TBCK: variants seen among roughly 807,000 people sequenced by gnomAD.
TBCK encodes TBC1 domain containing kinase.
In TBCK, 99 loss-of-function variants were observed where a neutral mutation model predicts 113.4. That is an observed-to-expected ratio of 0.87 (90% CI 0.74 to 1.03). The LOEUF (loss-of-function observed/expected upper bound fraction) is 1.03, where lower values mean the gene tolerates loss of function less well. Among genes scored for constraint, TBCK ranks in the 50% least tolerant of loss-of-function variants. The pLI is 0.00. For synonymous variants in TBCK, 369 were observed against 370.8 expected, an observed-to-expected ratio of 1.00 and a Z score of 0.05; for missense variants, 1,045 against 1,061.3, an observed-to-expected ratio of 0.98 and a Z score of 0.21.
intron 23 of TBCK, among the ~76,000 whole-genome samples, chr4:106,160,594 G>GA (rs142707427): frequency 6.6e-6 from 1 of 151,256 alleles, no homozygotes; most frequent in African/African-American, 2.4e-5. Flanking sequence ...AAGAAAAAAA[G>GA]AAAAAAAATC....
intron 25 of TBCK, among the ~76,000 whole-genome samples, chr4:106,056,164 T>A (rs1009605340): frequency 2.0e-5 from 3 of 151,520 alleles, no homozygotes; most frequent in Non-Finnish European, 4.4e-5. Context: ...ATTAATCACA[T>A]TCTTTTCAAA....
At chr4:106,194,230 A>G (rs993484571) in intron 21 of TBCK, among the ~76,000 whole-genome samples, 4 of 152,110 alleles carry the variant, frequency 2.6e-5, no homozygotes, top group African/African-American at 9.6e-5. Context: ...CACTGCATAA[A>G]TATCTACTTC....
At chr4:106,272,225 A>G (rs1763565880) in intron 3 of TBCK, among the ~76,000 whole-genome samples, 1 of 152,144 alleles carries the variant, frequency 6.6e-6, no homozygotes, top group Admixed American at 6.5e-5. Flanking sequence ...ATGAAGTAAT[A>G]ATAACCGCCA....
chr4:106,141,805 G>A (rs1482242229), intron 23 of TBCK, among the ~76,000 whole-genome samples: 1 of 140,534 alleles, frequency 7.1e-6, no homozygotes, highest in Non-Finnish European at 1.6e-5. Context: ...TCTTCATTTA[G>A]CTATAAGTTT....
intron 23 of TBCK, among the ~76,000 whole-genome samples, chr4:106,161,307 T>C (rs888630589): frequency 6.6e-6 from 1 of 152,156 alleles, no homozygotes; most frequent in African/African-American, 2.4e-5. Flanking sequence ...CAGAAACCTA[T>C]ATAAACTATA....
At chr4:106,288,837 A>G (rs1579521514) in intron 3 of TBCK, among the ~76,000 whole-genome samples, 1 of 152,236 alleles carries the variant, frequency 6.6e-6, no homozygotes, top group African/African-American at 2.4e-5. Context: ...AATTCCACAC[A>G]TAAGTATTTA....
At chr4:106,159,728 C>T (rs781679083) in intron 23 of TBCK, among the ~76,000 whole-genome samples, 1 of 152,014 alleles carries the variant, frequency 6.6e-6, no homozygotes, top group Non-Finnish European at 1.5e-5. Flanking sequence ...AGATTCAACA[C>T]ATTCTTATCA....
At position 106,307,222 on chromosome 4, in the gene TBCK, G is replaced by A. The variant is rs75550670; in HGVS notation, c.193+1546C>T. Among the ~76,000 whole-genome samples the A allele has an allele frequency of 9.1e-4, 139 of 152,014 alleles. 1 individual carries two copies. The highest frequency in any genetic ancestry group is 1.4e-3 in the Non-Finnish European group (97 of 67,992). On this transcript the variant is annotated intron_variant, in intron 2 of 25. Coordinates refer to ENST00000394708, the MANE Select transcript of TBCK (RefSeq NM_001163435.3). ...AGTCCATTTTTCCTTAATTTCCTTC[G>A]TGTGCCCTTGGATGAATTAATTGTG...
chr4:106,235,191 T>C (rs1759305695), intron 15 of TBCK, 78 bp downstream of exon 15: 2 of 885,686 alleles, frequency 2.3e-6, no homozygotes, highest in Non-Finnish European at 3.2e-6. Context: ...TAGAAAAATA[T>C]ATATTTGGAA....
chr4:106,195,328 G>A (rs1198889068), intron 20 of TBCK, among the ~76,000 whole-genome samples: 1 of 152,020 alleles, frequency 6.6e-6, no homozygotes, highest in Non-Finnish European at 1.5e-5. Context: ...CCAAAGGATA[G>A]ACTCAAGACC....
intron 24 of TBCK, among the ~76,000 whole-genome samples, chr4:106,108,433 G>T (rs929460346): frequency 6.6e-6 from 1 of 152,054 alleles, no homozygotes; most frequent in Non-Finnish European, 1.5e-5. Context: ...TTCATCCCCG[G>T]GATGCAAGAT....
chr4:106,256,570 C>A (rs1762012397), intron 5 of TBCK, among the ~76,000 whole-genome samples: 1 of 152,190 alleles, frequency 6.6e-6, no homozygotes, highest in Non-Finnish European at 1.5e-5. Flanking sequence ...GAGCCTACAG[C>A]TGCACCTGGG....
chr4:106,172,077 C>G (rs967057265), intron 22 of TBCK, among the ~76,000 whole-genome samples: 2 of 152,116 alleles, frequency 1.3e-5, no homozygotes, highest in Non-Finnish European at 1.5e-5. Flanking sequence ...GGCAATCCAC[C>G]TGCCTCGGCC....
chr4:106,085,002 A>T (rs1739336130), intron 25 of TBCK, among the ~76,000 whole-genome samples: 2 of 152,202 alleles, frequency 1.3e-5, no homozygotes, highest in African/African-American at 2.4e-5. Flanking sequence ...ACACCAAAAA[A>T]TAAAGACCAA....
Position 106,312,064 on chromosome 4 carries a change from T to C in TBCK, c.-29-3075A>G, listed in dbSNP as rs114650667. Among the ~76,000 whole-genome samples the C allele has an allele frequency of 7.8e-3, 1,193 of 152,224 alleles. 14 individuals carry two copies. The highest frequency in any genetic ancestry group is 0.027 in the African/African-American group (1,142 of 41,550). On this transcript the variant is annotated intron_variant, in intron 1 of 25. Coordinates refer to ENST00000394708, the MANE Select transcript of TBCK (RefSeq NM_001163435.3). ...AAAGCACTAGCCACAAAAGACAATT[T>C]TGACAAAGTAGACTTCATCAAAATT...
chr4:106,233,401 AC>A (rs1759088974), intron 16 of TBCK, among the ~76,000 whole-genome samples, 186 bp downstream of exon 16: 2 of 152,030 alleles, frequency 1.3e-5, no homozygotes, highest in African/African-American at 4.8e-5. Context: ...AGGTAACTTG[AC>A]CTAAAGTCCT....
chr4:106,110,522 T>C (rs1742716354), intron 24 of TBCK, among the ~76,000 whole-genome samples: 1 of 152,142 alleles, frequency 6.6e-6, no homozygotes, highest in Non-Finnish European at 1.5e-5. Flanking sequence ...TGCTTAAAGG[T>C]AGCAGAGCCT....
chr4:106,080,663 G>T (rs2149491222), intron 25 of TBCK, among the ~76,000 whole-genome samples: 1 of 152,260 alleles, frequency 6.6e-6, no homozygotes, highest in Middle Eastern at 3.4e-3. Context: ...AGCAAAAATT[G>T]ACAAATGGGA....
At position 106,121,506 on chromosome 4, in the gene TBCK, G is replaced by A. The variant is rs551934519; in HGVS notation, c.2236-5128C>T. Among the ~76,000 whole-genome samples the A allele has an allele frequency of 3.3e-5, 5 of 150,562 alleles. No individual in the cohort carries two copies. The East Asian group carries it at 9.8e-4, about 29-fold the overall frequency. ...CAAGGATACCCAGGAATTGAACTCA[G>A]CTCTGCACCAAGCAGACCTAATAGA... On this transcript the variant is annotated intron_variant, in intron 23 of 25. Coordinates refer to ENST00000394708, the MANE Select transcript of TBCK (RefSeq NM_001163435.3).
Sources: gnomAD v4.1 joint callset for allele counts (sites outside exome capture counted in the v4.1 genomes callset) on GRCh38, gnomAD v4.1.1 for gene constraint, MANE v1.5 for transcripts, NCBI Gene and HGNC (gene_info 2026-07-23, HGNC 2026-07-21) for gene names.